Variants in ZCWPW2 observed in about 807,000 individuals in gnomAD.
ZCWPW2 encodes zinc finger CW-type and PWWP domain containing 2, also known as zinc finger CW-type PWWP domain protein 2.
Under a neutral mutation model 46.6 loss-of-function variants are expected in ZCWPW2, and 45 were observed. The observed-to-expected ratio is 0.96, with a 90% CI of 0.76 to 1.24. The LOEUF is 1.24. Among genes scored for constraint, ZCWPW2 ranks in the 50% most tolerant of loss-of-function variants. The probability of loss-of-function intolerance (pLI) is 0.00; values close to 1 mark genes in which losing one functional copy is unlikely to be tolerated. For missense variants in ZCWPW2, 429 were observed against 403.9 expected, an observed-to-expected ratio of 1.06 and a Z score of -0.53; for synonymous variants, 152 against 137.1, an observed-to-expected ratio of 1.11 and a Z score of -0.76.
intron 1 of ZCWPW2, among the ~76,000 whole-genome samples, chr3:28,352,260 TG>T: frequency 6.6e-6 from 1 of 152,238 alleles, no homozygotes. Flanking sequence ...GTCTCTGAAC[TG>T]GGCAACATAC....
rs1425255265 is a variant in ZCWPW2, at chr3:28,525,192, G to T, written c.*504G>T. The T allele has an allele frequency of 6.6e-6, 1 of 152,210 alleles. No homozygotes were observed. Among genetic ancestry groups the T allele is most frequent in the African/African-American group, 2.4e-5 (1 of 41,408 alleles). 9.4% of individuals were successfully genotyped at this position (152,210 alleles called of 1,614,324 possible). On this transcript the variant is annotated 3_prime_UTR_variant, in exon 10 of 10. Transcript: ENST00000383768. ...TTTCCTAAAAAGCAAAATTTCACTT[G>T]CTACTTCTACTGGAATCAGTTATTT...
intron 1 of ZCWPW2, among the ~76,000 whole-genome samples, chr3:28,381,749 G>A (rs1489928678): frequency 6.6e-6 from 1 of 152,078 alleles, no homozygotes; most frequent in East Asian, 1.9e-4. Context: ...TCCCACCACT[G>A]CACCCAGGCC....
intron 1 of ZCWPW2, among the ~76,000 whole-genome samples, chr3:28,355,643 A>G (rs1464937538): frequency 2.0e-5 from 3 of 152,246 alleles, no homozygotes; most frequent in East Asian, 1.9e-4. Flanking sequence ...TACTGGTACC[A>G]AAACAGAGAT....
chr3:28,523,201 A>G (rs977564895), intron 9 of ZCWPW2, among the ~76,000 whole-genome samples: 4 of 152,190 alleles, frequency 2.6e-5, no homozygotes, highest in South Asian at 2.1e-4. Context: ...TTAACTGGCT[A>G]GTGTGCAGGT....
intron 4 of ZCWPW2, chr3:28,447,644 A>T (rs745327201): frequency 2.5e-5 from 8 of 323,428 alleles, no homozygotes; most frequent in Non-Finnish European, 4.3e-5. Context: ...TAGTTCTGAA[A>T]GTTCTAGCCA....
At chr3:28,479,274 G>A (rs954410343) in intron 5 of ZCWPW2, among the ~76,000 whole-genome samples, 39 of 151,806 alleles carry the variant, frequency 2.6e-4, no homozygotes, top group Admixed American at 2.0e-4. Flanking sequence ...ATATATTCCT[G>A]GCATTAAAAT....
intron 4 of ZCWPW2, among the ~76,000 whole-genome samples, chr3:28,456,322 G>T (rs1008738583): frequency 4.6e-5 from 7 of 152,120 alleles, no homozygotes; most frequent in African/African-American, 1.7e-4. Flanking sequence ...TTTGCATATT[G>T]ACTTTGTGTC....
At chr3:28,383,554 A>G (rs922007990) in intron 1 of ZCWPW2, among the ~76,000 whole-genome samples, 12 of 151,930 alleles carry the variant, frequency 7.9e-5, no homozygotes, top group African/African-American at 2.9e-4. Flanking sequence ...CTATTAGGGT[A>G]TATTTTTTTT....
chr3:28,466,840 A>C (rs956778861), intron 4 of ZCWPW2, among the ~76,000 whole-genome samples: 1 of 152,144 alleles, frequency 6.6e-6, no homozygotes, highest in African/African-American at 2.4e-5. Context: ...GTAAATGGAA[A>C]GATATAATCC....
chr3:28,500,885 C>G (rs1431039617), intron 6 of ZCWPW2, among the ~76,000 whole-genome samples: 5 of 152,116 alleles, frequency 3.3e-5, no homozygotes. Flanking sequence ...TAGCAAGGAG[C>G]AGAACCCCTT....
intron 6 of ZCWPW2, among the ~76,000 whole-genome samples, chr3:28,495,571 G>T (rs1699962798): frequency 6.6e-6 from 1 of 152,074 alleles, no homozygotes; most frequent in African/African-American, 2.4e-5. Context: ...TGTACAGAAA[G>T]TAAGAGTAAT....
chr3:28,416,977 C>G (rs556857962), intron 3 of ZCWPW2, among the ~76,000 whole-genome samples: 2 of 146,452 alleles, frequency 1.4e-5, no homozygotes, highest in African/African-American at 5.0e-5. Context: ...CTAAAATTCT[C>G]TTTTTTTGTT....
chr3:28,429,706 G>A (rs553866239), intron 3 of ZCWPW2, among the ~76,000 whole-genome samples: 3 of 152,076 alleles, frequency 2.0e-5, no homozygotes, highest in Admixed American at 1.3e-4. Flanking sequence ...ATGGTTTCAC[G>A]GGCCGGGCCC....
intron 1 of ZCWPW2, among the ~76,000 whole-genome samples, chr3:28,374,445 G>T (rs928119448): frequency 2.8e-4 from 43 of 152,010 alleles, no homozygotes; most frequent in African/African-American, 1.0e-3. Flanking sequence ...TTTTTGCTCA[G>T]GATTGCTTCA....
intron 4 of ZCWPW2, among the ~76,000 whole-genome samples, chr3:28,451,978 T>C (rs1344790339): frequency 6.6e-6 from 1 of 152,238 alleles, no homozygotes; most frequent in East Asian, 1.9e-4. Context: ...ATTTTGTGAT[T>C]ATTAGATTCA....
intron 4 of ZCWPW2, among the ~76,000 whole-genome samples, chr3:28,460,782 A>G (rs576007595): frequency 3.3e-5 from 5 of 152,322 alleles, no homozygotes; most frequent in East Asian, 3.9e-4. Flanking sequence ...CTTTGGTACA[A>G]TAGTAAATAG....
In ZCWPW2 at chr3:28,371,142, T is replaced by C. The variant is rs1460962740; in HGVS notation, c.-133-19356T>C. Among the ~76,000 whole-genome samples, 9 of 152,218 alleles carry C rather than the reference T, an allele frequency of 5.9e-5. 1 individual carries two copies. The highest frequency in any genetic ancestry group is 5.9e-4 in the Admixed American group (9 of 15,276). Reference sequence around the variant, plus strand: ...ATTTATCGTAGTATTGATAAATGTATACATTTGAGAGTAAATCATGTAAAA... The same window carrying C: ...ATTTATCGTAGTATTGATAAATGTACACATTTGAGAGTAAATCATGTAAAA... On this transcript the variant is annotated intron_variant, in intron 1 of 9. Transcript: ENST00000383768.
chr3:28,428,677 GT>G (rs1262643307), intron 3 of ZCWPW2, among the ~76,000 whole-genome samples: 3 of 152,180 alleles, frequency 2.0e-5, no homozygotes, highest in African/African-American at 7.2e-5. Flanking sequence ...ATCTCCACGT[GT>G]TGGGGGCAGG....
chr3:28,515,737 GTGTGTGTGTATACACA>G, intron 8 of ZCWPW2, 116 bp downstream of exon 8: 80 of 799,534 alleles, frequency 1.0e-4, no homozygotes, highest in Non-Finnish European at 1.4e-4. Flanking sequence ...GTGTGTGTGT[GTGTGTGTGTATACACA>G]TATATACATG....
Sources: gnomAD v4.1 joint callset for allele counts (sites outside exome capture counted in the v4.1 genomes callset) on GRCh38, gnomAD v4.1.1 for gene constraint, MANE v1.5 for transcripts, NCBI Gene and HGNC (gene_info 2026-07-23, HGNC 2026-07-21) for gene names.